The following PDGFC variants were observed in gnomAD, a reference collection of about 807,000 sequenced individuals.
PDGFC encodes platelet derived growth factor C.
PDGFC carries 12 observed loss-of-function variants against 35.5 expected under a neutral mutation model. That is an observed-to-expected ratio of 0.34 (90% CI 0.22 to 0.55). The LOEUF is 0.55. Among genes scored for constraint, PDGFC ranks in the 20% least tolerant of loss-of-function variants. The pLI, the probability that PDGFC is intolerant of heterozygous loss-of-function variation, is 0.91. For missense variants in PDGFC, 322 were observed against 412.4 expected (o/e 0.78, Z 1.90); for synonymous variants, 159 against 148.8 (o/e 1.07, Z -0.50).
intron 2 of PDGFC, among the ~76,000 whole-genome samples, chr4:156,846,184 T>C (rs937025297): frequency 1.2e-4 from 18 of 151,812 alleles, no homozygotes; most frequent in Non-Finnish European, 1.2e-4. Context: ...TTGCATGTTT[T>C]TGAAGTATAT....
At chr4:156,827,506 T>C (rs1016242359) in intron 2 of PDGFC, among the ~76,000 whole-genome samples, 1 of 152,000 alleles carries the variant, frequency 6.6e-6, no homozygotes, top group Admixed American at 6.6e-5. Flanking sequence ...TGATGACTGA[T>C]GATTCTAAAG....
intron 1 of PDGFC, among the ~76,000 whole-genome samples, chr4:156,943,644 C>G (rs1579116275): frequency 2.6e-5 from 4 of 151,968 alleles, no homozygotes; most frequent in Admixed American, 2.6e-4. Context: ...TTTCAGAAAC[C>G]CCTACATTCA....
intron 1 of PDGFC, among the ~76,000 whole-genome samples, chr4:156,901,743 C>T (rs963160332): frequency 3.9e-5 from 6 of 152,082 alleles, no homozygotes; most frequent in African/African-American, 1.4e-4. Flanking sequence ...GTGCCTCGGC[C>T]TCCTGAGGAG....
At chr4:156,823,188 T>C (rs1732318449) in intron 2 of PDGFC, among the ~76,000 whole-genome samples, 1 of 152,176 alleles carries the variant, frequency 6.6e-6, no homozygotes, top group African/African-American at 2.4e-5. Flanking sequence ...GCACATCACC[T>C]GTGGTCAGGA....
At chr4:156,811,656 A>T (rs549419347) in intron 2 of PDGFC, among the ~76,000 whole-genome samples, 1 of 152,240 alleles carries the variant, frequency 6.6e-6, no homozygotes, top group Non-Finnish European at 1.5e-5. Flanking sequence ...GAAAGGAACC[A>T]GTTCGTACAT....
intron 1 of PDGFC, among the ~76,000 whole-genome samples, chr4:156,958,979 T>C (rs559018904): frequency 8.5e-5 from 13 of 152,174 alleles, no homozygotes; most frequent in African/African-American, 2.9e-4. Flanking sequence ...CTTTACATAG[T>C]TGTAGTTATG....
At chr4:156,801,197 A>G (rs1368997357) in intron 3 of PDGFC, among the ~76,000 whole-genome samples, 6 of 152,028 alleles carry the variant, frequency 3.9e-5, no homozygotes, top group Non-Finnish European at 8.8e-5. Flanking sequence ...TCAGGGTAAA[A>G]GGACCGATTT....
chr4:156,815,103 T>C (rs576791736), intron 2 of PDGFC, among the ~76,000 whole-genome samples: 1 of 152,268 alleles, frequency 6.6e-6, no homozygotes, highest in Non-Finnish European at 1.5e-5. Context: ...GAAACAAACA[T>C]CTAATAAGGT....
chr4:156,817,838 C>T (rs1732135628), intron 2 of PDGFC, among the ~76,000 whole-genome samples: 1 of 151,842 alleles, frequency 6.6e-6, no homozygotes, highest in Non-Finnish European at 1.5e-5. Flanking sequence ...GTGGGCAGAT[C>T]ACCTGAGGTC....
At chr4:156,895,871 G>A (rs1317314510) in intron 1 of PDGFC, among the ~76,000 whole-genome samples, 1 of 152,114 alleles carries the variant, frequency 6.6e-6, no homozygotes, top group Non-Finnish European at 1.5e-5. Flanking sequence ...GAGAGTAGCT[G>A]AGTGTTGATT....
intron 1 of PDGFC, among the ~76,000 whole-genome samples, chr4:156,896,347 T>C (rs1730633237): frequency 6.6e-6 from 1 of 152,182 alleles, no homozygotes; most frequent in South Asian, 2.1e-4. Context: ...ATAAGTCCAT[T>C]CCCATTTATT....
chr4:156,796,576 A>C (rs1193201838), intron 3 of PDGFC, among the ~76,000 whole-genome samples: 1 of 150,860 alleles, frequency 6.6e-6, no homozygotes, highest in Non-Finnish European at 1.5e-5. Context: ...CTTTTCAAGC[A>C]ATATTGGTTG....
chr4:156,852,194 A>G (rs1729474308), intron 1 of PDGFC, among the ~76,000 whole-genome samples: 1 of 152,098 alleles, frequency 6.6e-6, no homozygotes, highest in South Asian at 2.1e-4. Flanking sequence ...CCTCATTGGT[A>G]TTCATAATTT....
At chr4:156,904,305 G>A (rs1463268788) in intron 1 of PDGFC, among the ~76,000 whole-genome samples, 3 of 151,866 alleles carry the variant, frequency 2.0e-5, no homozygotes, top group African/African-American at 7.3e-5. Flanking sequence ...AGCCTTTTAT[G>A]GTCAGTCATT....
At chr4:156,851,275 C>T (rs1201455550) in intron 1 of PDGFC, among the ~76,000 whole-genome samples, 1 of 152,100 alleles carries the variant, frequency 6.6e-6, no homozygotes, top group Non-Finnish European at 1.5e-5. Flanking sequence ...ATTAGCAGTA[C>T]ATGAAAATAT....
chr4:156,779,441 T>C (rs1730919816), intron 3 of PDGFC, among the ~76,000 whole-genome samples: 1 of 152,144 alleles, frequency 6.6e-6, no homozygotes, highest in African/African-American at 2.4e-5. Flanking sequence ...TCAAAGAGCA[T>C]GACAATTGAA....
chr4:156,921,749 G>A (rs1341865425), intron 1 of PDGFC, among the ~76,000 whole-genome samples: 1 of 152,044 alleles, frequency 6.6e-6, no homozygotes, highest in Admixed American at 6.5e-5. Flanking sequence ...TTGTATAAAC[G>A]AAGAAAAGTG....
chr4:156,931,252 C>T (rs1731543259), intron 1 of PDGFC, among the ~76,000 whole-genome samples: 1 of 152,090 alleles, frequency 6.6e-6, no homozygotes, highest in Admixed American at 6.6e-5. Context: ...ACTTTTTTGG[C>T]TTACCTTCCG....
intron 1 of PDGFC, among the ~76,000 whole-genome samples, chr4:156,961,322 T>C (rs529269425): frequency 6.6e-6 from 1 of 152,262 alleles, no homozygotes; most frequent in African/African-American, 2.4e-5. Flanking sequence ...AGGAGATAAG[T>C]ACCACGTAAA....
Sources: allele counts gnomAD v4.1 joint callset (sites outside exome capture counted in the v4.1 genomes callset), GRCh38; gene constraint gnomAD v4.1.1; transcripts MANE v1.5; gene names NCBI Gene and HGNC (gene_info 2026-07-23, HGNC 2026-07-21).